The following MRS2 variants were observed in gnomAD, a reference collection of about 807,000 sequenced individuals.
MRS2 encodes the protein magnesium transporter MRS2 homolog, mitochondrial.
MRS2 carries 40 observed loss-of-function variants against 52.6 expected under a neutral mutation model. The ratio of observed to expected loss-of-function variants is 0.76; its 90% CI spans 0.59 to 0.99. MRS2 has a LOEUF of 0.99. Ranked by LOEUF, MRS2 falls within the 50% of genes least tolerant of loss-of-function variation. The pLI, the probability that MRS2 is intolerant of heterozygous loss-of-function variation, is 0.00. For missense variants in MRS2, 472 were observed against 532.7 expected, an observed-to-expected ratio of 0.89 and a Z score of 1.12; for synonymous variants, 193 against 195.9, an observed-to-expected ratio of 0.98 and a Z score of 0.13.
chr6:24,414,306 A>C (rs1345823784), intron 5 of MRS2, among the ~76,000 whole-genome samples: 2 of 152,214 alleles, frequency 1.3e-5, no homozygotes, highest in East Asian at 3.9e-4. Flanking sequence ...CGCCTTCCGC[A>C]GTGTTTGTGT....
chr6:24,423,108 A>G lies in MRS2; in HGVS notation c.1221+58A>G, dbSNP rs553748829. On this transcript the variant is annotated intron_variant, in intron 10 of 10. Transcript: ENST00000378386. ...GAAGGGTTATGATCATGGGCCCTAAAGTCAGAGCGCCTGGGATTAAGTTGT... is the reference window on the plus strand; with the variant it reads ...GAAGGGTTATGATCATGGGCCCTAAGGTCAGAGCGCCTGGGATTAAGTTGT... 2.2e-6 allele frequency: 3 copies of G among 1,382,150 alleles called. No individual in the cohort carries two copies. The African/African-American group carries it at 4.3e-5, about 20-fold the overall frequency. The allele number at this position is 1,382,150 out of a possible 1,614,324, so 85.6% of individuals were successfully genotyped here. A position where few individuals can be genotyped will look rare whatever the true frequency, so the allele number is the denominator to read the frequency against.
chr6:24,416,925 C>G (rs1761873040), intron 7 of MRS2, among the ~76,000 whole-genome samples: 1 of 152,188 alleles, frequency 6.6e-6, no homozygotes, highest in Non-Finnish European at 1.5e-5. Flanking sequence ...AAATGTTAAT[C>G]TTATAAACCT....
chr6:24,410,576 C>T (rs1761616580), intron 4 of MRS2: 1 of 530,618 alleles, frequency 1.9e-6, no homozygotes, highest in Non-Finnish European at 3.3e-6. Context: ...GTCCCAGCTA[C>T]TCAGGAGGCT....
chr6:24,419,368 CTT>C (rs1761968258), intron 9 of MRS2: 2 of 152,204 alleles, frequency 1.3e-5, no homozygotes, highest in African/African-American at 4.8e-5. Flanking sequence ...GCCTAGGTTA[CTT>C]TGTTTCCCAA....
At chr6:24,413,931 T>C (rs1761752042) in intron 5 of MRS2, among the ~76,000 whole-genome samples, 1 of 152,246 alleles carries the variant, frequency 6.6e-6, no homozygotes, top group Non-Finnish European at 1.5e-5. Flanking sequence ...ACCATACTTG[T>C]GTTAACCTAA....
intron 3 of MRS2, 25 bp from the exon 4 acceptor site, chr6:24,409,436 C>A (rs775312284): frequency 7.8e-6 from 11 of 1,408,296 alleles, no homozygotes; most frequent in African/African-American, 1.4e-5. Context: ...TTTGGTTTAG[C>A]CCTCTCTGTT....
chr6:24,423,640 T>C lies in MRS2; in HGVS notation c.1278T>C (p.Asn426=), dbSNP rs368043518. ...CAGATAGAAGCATGGAATTGAAAAA[T>C]AGCCTCAGACTGGATGGACTTGGAT... ...LLADRSMELK[N]SLRLDGLGSG... The change falls in exon 11 of 11, where the codon AAT becomes AAC. Residue 426 remains asparagine (N), a synonymous_variant. Coordinates refer to ENST00000378386, the MANE Select transcript of MRS2 (RefSeq NM_020662.4). The C allele has an allele frequency of 1.7e-5, 28 of 1,613,010 alleles. No homozygotes were observed. The highest frequency in any genetic ancestry group is 2.1e-5 in the Non-Finnish European group (25 of 1,179,308).
At chr6:24,410,547 T>A (rs2793421) in intron 4 of MRS2, among the ~76,000 whole-genome samples, 3 of 152,164 alleles carry the variant, frequency 2.0e-5, no homozygotes, top group African/African-American at 7.2e-5. Flanking sequence ...TGGGCCAGTA[T>A]TGGTAGCATG....
Position 24,418,067 on chromosome 6 carries a change from T to C in MRS2, c.837-17T>C. 5 of 1,598,548 alleles carry C rather than the reference T, an allele frequency of 3.1e-6. No homozygotes were observed. The highest frequency in any genetic ancestry group is 4.3e-6 in the Non-Finnish European group (5 of 1,174,994). ...ACATGTTGGGAGTATGTTAATTATT[T>C]TCTCTTTTAATTGAAGTGAAAAGAG... On this transcript the variant is annotated splice_polypyrimidine_tract_variant and intron_variant, in intron 7 of 10. Coordinates refer to ENST00000378386, the MANE Select transcript of MRS2 (RefSeq NM_020662.4).
intron 6 of MRS2, 57 bp from the exon 7 acceptor site, chr6:24,416,340 T>C: frequency 1.3e-6 from 1 of 745,542 alleles, no homozygotes; most frequent in South Asian, 1.6e-5. Context: ...AACACTATTA[T>C]GAAATGTTCT....
At chr6:24,407,309 T>C (rs969159073) in intron 2 of MRS2, among the ~76,000 whole-genome samples, 2 of 152,222 alleles carry the variant, frequency 1.3e-5, no homozygotes, top group South Asian at 2.1e-4. Flanking sequence ...CCTTTAATGT[T>C]CTATGGAACT....
In MRS2 at chr6:24,418,554, G is replaced by C; in HGVS notation, c.1083G>C (p.Met361Ile). The C allele has an allele frequency of 6.2e-7, 1 of 1,613,278 alleles. No homozygotes were observed. The highest frequency in any genetic ancestry group is 8.5e-7 in the Non-Finnish European group (1 of 1,179,304). ...GACTAATGGGAGTTGCTTTTGGAAT[G>C]AATTTGGAATCTTCCCTTGAAGAGG... is the stretch of plus-strand genomic sequence containing the variant. ...LFGLMGVAFG[M>I]NLESSLEEDH... The change falls in exon 9 of 11, where the codon ATG (methionine) becomes ATC (isoleucine). Residue 361 changes from methionine (M) to isoleucine (I), a missense_variant. Physicochemically the swap from Met to Ile is conservative, Grantham distance 10. Coordinates refer to ENST00000378386, the MANE Select transcript of MRS2 (RefSeq NM_020662.4).
In MRS2 at chr6:24,416,481, C is replaced by G. The variant is rs1761854323; in HGVS notation, c.804C>G (p.Leu268=). The G allele has an allele frequency of 2.5e-6, 4 of 1,598,248 alleles. No homozygotes were observed. The East Asian group carries it at 6.7e-5, about 27-fold the overall frequency. The change falls in exon 7 of 11, where the codon CTC becomes CTG. Residue 268 remains leucine (L), a synonymous_variant. Coordinates refer to ENST00000378386, the MANE Select transcript of MRS2 (RefSeq NM_020662.4). The part of the protein sequence containing the change: ...ILDEEELLEE[L]CVSKWSDPQV... The stretch of plus-strand genomic sequence containing the variant: ...ATGAGGAAGAGTTGCTAGAAGAGCT[C>G]TGTGTATCAAAATGGAGTGACCCAC...
chr6:24,412,717 A>G (rs1313360271), intron 5 of MRS2, among the ~76,000 whole-genome samples: 1 of 152,178 alleles, frequency 6.6e-6, no homozygotes. Context: ...CATCTTTTTG[A>G]GACCTAGATT....
chr6:24,408,623 G>A (rs1761552542), intron 3 of MRS2, among the ~76,000 whole-genome samples, 179 bp downstream of exon 3: 1 of 152,194 alleles, frequency 6.6e-6, no homozygotes, highest in Admixed American at 6.5e-5. Flanking sequence ...CAGACTGTGT[G>A]TATTCTCCCA....
intron 4 of MRS2, chr6:24,410,684 T>G (rs1761619021): frequency 7.1e-7 from 1 of 1,402,874 alleles, no homozygotes; most frequent in Non-Finnish European, 9.6e-7. Context: ...AAAAAATACT[T>G]TATCAAAAAT....
chr6:24,418,176 C>G lies in MRS2; in HGVS notation c.929C>G (p.Ala310Gly), dbSNP rs1761916696. Residue 310 changes from alanine (A) to glycine (G), a missense_variant, in exon 8 of 11, where the codon GCT (alanine) becomes GGT (glycine). Coordinates refer to ENST00000378386, the MANE Select transcript of MRS2 (RefSeq NM_020662.4). ...YRLADDLSNAARELRVLIDDS... is the reference protein window; with the variant it reads ...YRLADDLSNAGRELRVLIDDS... ...TTGGCTGACGATCTCTCCAATGCAG[C>G]TCGTGAGCTTAGGGTGCTGATTGAT... 6.2e-7 allele frequency: 1 copy of G among 1,613,344 alleles called. No individual in the cohort carries two copies. Among genetic ancestry groups the G allele is most frequent in the Non-Finnish European group, 8.5e-7 (1 of 1,179,516 alleles).
intron 2 of MRS2, among the ~76,000 whole-genome samples, chr6:24,406,467 A>G (rs1428199116): frequency 6.6e-6 from 1 of 152,146 alleles, no homozygotes; most frequent in East Asian, 1.9e-4. Context: ...AGAGTTGGCC[A>G]ATTTAGTTAA....
intron 5 of MRS2, among the ~76,000 whole-genome samples, chr6:24,414,062 A>C (rs1761755757): frequency 6.6e-6 from 1 of 152,220 alleles, no homozygotes; most frequent in Non-Finnish European, 1.5e-5. Flanking sequence ...GGTATTACTG[A>C]AAGCTTGTGT....
Sources: gnomAD v4.1 joint callset for allele counts (sites outside exome capture counted in the v4.1 genomes callset) on GRCh38, gnomAD v4.1.1 for gene constraint, MANE v1.5 for transcripts, NCBI Gene and HGNC (gene_info 2026-07-23, HGNC 2026-07-21) for gene names.